Variants in SNTG1 observed in about 807,000 individuals in gnomAD.
The protein encoded by SNTG1 is syntrophin gamma 1.
Under a neutral mutation model 74.7 loss-of-function variants are expected in SNTG1, and 39 were observed. The ratio of observed to expected loss-of-function variants is 0.52; its 90% CI spans 0.40 to 0.68. The LOEUF (loss-of-function observed/expected upper bound fraction) is 0.68. Among genes scored for constraint, SNTG1 ranks in the 30% least tolerant of loss-of-function variants. SNTG1 has a pLI of 0.00. For missense variants in SNTG1, 685 were observed against 609.5 expected (o/e 1.12, Z -1.30); for synonymous variants, 254 against 217.1 (o/e 1.17, Z -1.49).
chr8:49,953,963 T>A (rs1177134633), intron 1 of SNTG1, among the ~76,000 whole-genome samples: 2 of 152,178 alleles, frequency 1.3e-5, no homozygotes, highest in African/African-American at 4.8e-5. Context: ...GCAAAAATGT[T>A]CTAGATTGAA....
At chr8:50,357,562 T>C (rs1248382035) in intron 2 of SNTG1, among the ~76,000 whole-genome samples, 1 of 152,206 alleles carries the variant, frequency 6.6e-6, no homozygotes, top group Non-Finnish European at 1.5e-5. Context: ...TTATATTATA[T>C]TAACATCATT....
chr8:50,075,373 C>T (rs768379135), intron 1 of SNTG1, among the ~76,000 whole-genome samples: 9 of 152,216 alleles, frequency 5.9e-5, no homozygotes, highest in Non-Finnish European at 1.0e-4. Context: ...ATTGTATATG[C>T]ACCAATCAGC....
intron 1 of SNTG1, among the ~76,000 whole-genome samples, chr8:50,075,449 G>A (rs1361271651): frequency 6.6e-6 from 1 of 152,198 alleles, no homozygotes; most frequent in African/African-American, 2.4e-5. Flanking sequence ...TAATCTGGTG[G>A]AGACTTGGAG....
chr8:50,654,464 C>A (rs1309559383), intron 13 of SNTG1, among the ~76,000 whole-genome samples: 1 of 152,086 alleles, frequency 6.6e-6, no homozygotes, highest in Non-Finnish European at 1.5e-5. Context: ...ATGAAAGTTT[C>A]AATTTTGTAT....
chr8:49,945,080 T>G (rs1257002321), intron 1 of SNTG1, among the ~76,000 whole-genome samples: 2 of 152,192 alleles, frequency 1.3e-5, no homozygotes, highest in Non-Finnish European at 2.9e-5. Flanking sequence ...ATTAAAATAT[T>G]AAGCGCCATG....
chr8:50,445,910 T>C (rs142066876), intron 5 of SNTG1, among the ~76,000 whole-genome samples: 96 of 152,272 alleles, frequency 6.3e-4, no homozygotes, highest in African/African-American at 2.1e-3. Flanking sequence ...TACATAAGTG[T>C]ATTATTTCAA....
chr8:50,334,491 A>C (rs2091073641), intron 2 of SNTG1, among the ~76,000 whole-genome samples: 1 of 148,108 alleles, frequency 6.8e-6, no homozygotes, highest in South Asian at 2.2e-4. Context: ...TTTTGTCCTC[A>C]TTTATATCTC....
chr8:50,193,350 A>G (rs1036313664), intron 2 of SNTG1, among the ~76,000 whole-genome samples: 3 of 151,880 alleles, frequency 2.0e-5, no homozygotes, highest in Non-Finnish European at 2.9e-5. Flanking sequence ...AGTTTTCCTC[A>G]TAGAAGTCTT....
intron 2 of SNTG1, among the ~76,000 whole-genome samples, chr8:50,227,937 A>G (rs1350185854): frequency 2.0e-5 from 3 of 150,836 alleles, no homozygotes; most frequent in Non-Finnish European, 4.4e-5. Flanking sequence ...AAAAAAAAAG[A>G]AACACCAACA....
At chr8:50,664,159 A>G (rs1255871189) in intron 15 of SNTG1, among the ~76,000 whole-genome samples, 7 of 152,144 alleles carry the variant, frequency 4.6e-5, no homozygotes, top group Non-Finnish European at 2.9e-5. Context: ...CAAAAACTAG[A>G]GTTTGGCTAT....
intron 15 of SNTG1, among the ~76,000 whole-genome samples, chr8:50,700,223 C>T (rs1241632884): frequency 3.9e-5 from 6 of 152,066 alleles, no homozygotes; most frequent in Non-Finnish European, 8.8e-5. Flanking sequence ...CTAAGAGTAT[C>T]TTATTTAGTT....
chr8:50,009,605 AC>A (rs1334353082), intron 1 of SNTG1, among the ~76,000 whole-genome samples: 3 of 151,892 alleles, frequency 2.0e-5, no homozygotes, highest in Non-Finnish European at 4.4e-5. Context: ...ATTATCTGAA[AC>A]CTTTTTCATT....
intron 8 of SNTG1, among the ~76,000 whole-genome samples, chr8:50,456,405 A>T (rs1048235548): frequency 4.0e-5 from 6 of 151,782 alleles, no homozygotes; most frequent in African/African-American, 1.4e-4. Context: ...TTTCCCTCAC[A>T]GTCATGGAGA....
chr8:50,142,616 TA>T (rs1247714693), intron 1 of SNTG1, among the ~76,000 whole-genome samples: 3 of 152,072 alleles, frequency 2.0e-5, no homozygotes, highest in African/African-American at 7.2e-5. Flanking sequence ...CAGGAAGAGA[TA>T]AGGTTTTGTT....
chr8:50,729,161 C>T (rs140715920), intron 17 of SNTG1, among the ~76,000 whole-genome samples: 142 of 152,286 alleles, frequency 9.3e-4, no homozygotes, highest in South Asian at 2.7e-3. Flanking sequence ...ACCTGGGCTG[C>T]CAGCTTGGAT....
In SNTG1 at chr8:50,757,826, G is replaced by A. The variant is rs74898238; in HGVS notation, c.1395+5715G>A. Among the ~76,000 whole-genome samples, 443 of 151,704 alleles carry A rather than the reference G, an allele frequency of 2.9e-3. 3 individuals are homozygous for A. The highest frequency in any genetic ancestry group is 6.1e-3 in the Admixed American group (93 of 15,184). On this transcript the variant is annotated intron_variant, in intron 18 of 18. Coordinates refer to ENST00000642720, the MANE Select transcript of SNTG1 (RefSeq NM_018967.5). ...ATAATTCTATTCTCTCTCCTTATTA[G>A]CACAACAGTTATATATTGTTTTACT...
chr8:50,675,023 T>A (rs530378040), intron 15 of SNTG1, among the ~76,000 whole-genome samples: 96 of 152,262 alleles, frequency 6.3e-4, no homozygotes, highest in African/African-American at 2.2e-3. Flanking sequence ...CAGTATGGTC[T>A]AAGAGACTGT....
chr8:50,003,381 A>G (rs1251051258), intron 1 of SNTG1, among the ~76,000 whole-genome samples: 1 of 152,170 alleles, frequency 6.6e-6, no homozygotes, highest in Non-Finnish European at 1.5e-5. Flanking sequence ...TTTTTGCCAA[A>G]CAATTACAGT....
At chr8:49,916,011 G>A (rs1353830439) in intron 1 of SNTG1, among the ~76,000 whole-genome samples, 1 of 152,078 alleles carries the variant, frequency 6.6e-6, no homozygotes, top group Non-Finnish European at 1.5e-5. Context: ...CATTTGGTCT[G>A]TATAGATTTC....
Sources: allele counts gnomAD v4.1 joint callset (sites outside exome capture counted in the v4.1 genomes callset), GRCh38; gene constraint gnomAD v4.1.1; transcripts MANE v1.5; gene names NCBI Gene and HGNC (gene_info 2026-07-23, HGNC 2026-07-21).